Variants in C12orf56 observed in about 807,000 individuals in gnomAD.
C12orf56 encodes chromosome 12 open reading frame 56, also known as uncharacterized protein C12orf56.
A neutral mutation model predicts 69.9 loss-of-function variants in C12orf56; 71 were observed. The observed-to-expected ratio is 1.02, with a 90% CI of 0.84 to 1.24. The LOEUF is 1.24. Among genes scored for constraint, C12orf56 ranks in the 50% most tolerant of loss-of-function variants. C12orf56 has a pLI of 0.00. For synonymous variants in C12orf56, 276 were observed against 274.1 expected (o/e 1.01, Z -0.07); for missense variants, 732 against 738.5 (o/e 0.99, Z 0.10).
At chr12:64,351,835 T>C (rs2039225949) in intron 2 of C12orf56, among the ~76,000 whole-genome samples, 1 of 150,520 alleles carries the variant, frequency 6.6e-6, no homozygotes, top group South Asian at 2.1e-4. Flanking sequence ...GCTGTACCCC[T>C]TTCAAATGCA....
chr12:64,324,736 G>A (rs918253063), intron 3 of C12orf56, among the ~76,000 whole-genome samples: 6 of 152,176 alleles, frequency 3.9e-5, no homozygotes, highest in East Asian at 1.9e-4. Flanking sequence ...TGGCTTTAAG[G>A]TGGATAATGG....
chr12:64,329,234 T>A (rs141699853), intron 3 of C12orf56, among the ~76,000 whole-genome samples: 2 of 152,124 alleles, frequency 1.3e-5, no homozygotes, highest in East Asian at 3.9e-4. Context: ...CCTTCTGACA[T>A]CCTTATTTGT....
chr12:64,305,130 C>T (rs970557810), intron 5 of C12orf56, among the ~76,000 whole-genome samples: 1 of 151,284 alleles, frequency 6.6e-6, no homozygotes, highest in African/African-American at 2.4e-5. Context: ...ATTAAGACTT[C>T]TGAAAAAAAA....
intron 8 of C12orf56, among the ~76,000 whole-genome samples, chr12:64,279,973 A>G (rs1446621380): frequency 1.3e-5 from 2 of 152,168 alleles, no homozygotes; most frequent in African/African-American, 4.8e-5. Context: ...AAAGCAAAGA[A>G]AAAGAACTCT....
intron 3 of C12orf56, among the ~76,000 whole-genome samples, chr12:64,326,505 G>T (rs1429267170): frequency 6.6e-6 from 1 of 152,150 alleles, no homozygotes; most frequent in Non-Finnish European, 1.5e-5. Flanking sequence ...CGCCAGCCGA[G>T]GTGAGTGGAT....
chr12:64,319,224 C>A (rs2038736648), intron 3 of C12orf56, among the ~76,000 whole-genome samples: 1 of 152,156 alleles, frequency 6.6e-6, no homozygotes, highest in African/African-American at 2.4e-5. Context: ...TTTTATTTCA[C>A]AGAATGAAGC....
intron 1 of C12orf56, among the ~76,000 whole-genome samples, chr12:64,366,084 T>C (rs1200582830): frequency 1.6e-5 from 2 of 127,334 alleles, no homozygotes; most frequent in East Asian, 4.6e-4. Flanking sequence ...ATAGTTTGTA[T>C]AATATATAGT....
chr12:64,321,065 T>G (rs1204549484), intron 3 of C12orf56, among the ~76,000 whole-genome samples: 1 of 152,216 alleles, frequency 6.6e-6, no homozygotes, highest in Non-Finnish European at 1.5e-5. Flanking sequence ...TCTATGCTTA[T>G]TTTGTCTTTT....
At chr12:64,380,054 G>A (rs1176878899) in intron 1 of C12orf56, among the ~76,000 whole-genome samples, 6 of 133,258 alleles carry the variant, frequency 4.5e-5, no homozygotes, top group Non-Finnish European at 7.7e-5. Context: ...GCAGTGAGCC[G>A]AGATCGTGCC....
intron 1 of C12orf56, among the ~76,000 whole-genome samples, chr12:64,357,656 G>A (rs1271400559): frequency 2.0e-5 from 3 of 151,906 alleles, no homozygotes; most frequent in African/African-American, 7.3e-5. Flanking sequence ...CAACAGTTTC[G>A]GAGGCCAAGG....
chr12:64,368,936 ACAGGAAATACTAACTAAAC>A (rs2135970607), intron 1 of C12orf56, among the ~76,000 whole-genome samples: 1 of 152,268 alleles, frequency 6.6e-6, no homozygotes, highest in East Asian at 1.9e-4. Context: ...TAGCAAACCT[ACAGGAAATACTAACTAAAC>A]AGAGTCCTTC....
chr12:64,349,709 T>A (rs2039195685), intron 2 of C12orf56, among the ~76,000 whole-genome samples: 1 of 152,184 alleles, frequency 6.6e-6, no homozygotes, highest in African/African-American at 2.4e-5. Context: ...AGACTATTAT[T>A]CTAAGTGAAG....
At chr12:64,387,077 C>CAACAAAAAAAAAAAAAAAAAAA (rs1201123599) in intron 1 of C12orf56, among the ~76,000 whole-genome samples, 3 of 42,106 alleles carry the variant, frequency 7.1e-5, no homozygotes, top group African/African-American at 3.3e-4. Context: ...GACTCTATCT[C>CAACAAAAAAAAAAAAAAAAAAA]AAAAAAAAAA....
chr12:64,297,334 G>T (rs1385268765), intron 6 of C12orf56, among the ~76,000 whole-genome samples: 1 of 152,116 alleles, frequency 6.6e-6, no homozygotes, highest in African/African-American at 2.4e-5. Flanking sequence ...ATAGGGCCAA[G>T]GGGGACTCCA....
chr12:64,390,477 T>C lies in C12orf56; in HGVS notation c.89A>G (p.Tyr30Cys). Residue 30 changes from tyrosine to cysteine, a missense_variant, in exon 1 of 13, where the codon TAC (tyrosine) becomes TGC (cysteine). By Grantham distance (194) the Tyr-to-Cys change is radical. Transcript: ENST00000543942. The part of the protein sequence containing the change: ...FLRRHLPPEV[Y>C]DAVRAYEPCI... ...TGGCTCGTAGGCGCGGACCGCGTCG[T>C]AGACCTCGGGCGGCAGATGCCGCCG... 1 of 1,605,464 alleles carries C rather than the reference T, an allele frequency of 6.2e-7. No homozygotes were observed. Among genetic ancestry groups the C allele is most frequent in the Non-Finnish European group, 8.5e-7 (1 of 1,179,620 alleles).
chr12:64,361,387 G>A (rs997139140), intron 1 of C12orf56, among the ~76,000 whole-genome samples: 3 of 152,052 alleles, frequency 2.0e-5, no homozygotes, highest in South Asian at 2.1e-4. Flanking sequence ...GGAGGTTAAG[G>A]CATCCTATAA....
At chr12:64,337,861 A>AAAAC (rs1326422689) in intron 2 of C12orf56, among the ~76,000 whole-genome samples, 1 of 151,786 alleles carries the variant, frequency 6.6e-6, no homozygotes, top group South Asian at 2.1e-4. Flanking sequence ...TGTCAAAAAA[A>AAAAC]AAAAAAAAAA....
At chr12:64,287,261 A>AGAAGAAG (rs1389739195) in intron 6 of C12orf56, among the ~76,000 whole-genome samples, 1 of 67,594 alleles carries the variant, frequency 1.5e-5, no homozygotes, top group Non-Finnish European at 2.7e-5. Context: ...AAAAAAAAAA[A>AGAAGAAG]AAGAAGAAGA....
intron 12 of C12orf56, among the ~76,000 whole-genome samples, chr12:64,269,774 A>T (rs144040585): frequency 1.7e-3 from 251 of 152,004 alleles, no homozygotes; most frequent in Non-Finnish European, 2.6e-3. Context: ...TTTTTAGTAG[A>T]GACGGGGTTT....
Sources: allele counts gnomAD v4.1 joint callset (sites outside exome capture counted in the v4.1 genomes callset), GRCh38; gene constraint gnomAD v4.1.1; transcripts MANE v1.5; gene names NCBI Gene and HGNC (gene_info 2026-07-23, HGNC 2026-07-21).